The following MYH6 variants were observed in gnomAD, a reference collection of about 807,000 sequenced individuals.
The protein encoded by MYH6 is myosin-6.
MYH6 carries 126 observed loss-of-function variants against 223.2 expected under a neutral mutation model. The ratio of observed to expected loss-of-function variants is 0.56; its 90% CI spans 0.49 to 0.65. The LOEUF (loss-of-function observed/expected upper bound fraction) is 0.65. Ranked by LOEUF, MYH6 falls within the 30% of genes least tolerant of loss-of-function variation. The pLI, the probability that MYH6 is intolerant of heterozygous loss-of-function variation, is 0.00. For missense variants in MYH6, 2,040 were observed against 2,536.4 expected (o/e 0.80, Z 4.20); for synonymous variants, 978 against 1,010.2 (o/e 0.97, Z 0.61).
In MYH6 at chr14:23,400,953, A is replaced by G. The variant is rs751143031; in HGVS notation, c.1166T>C (p.Met389Thr). ...TEDADKSAYL[M>T]GLNSADLLKG... ...GAGCAGGTCAGCTGAGTTCAGCCCC[A>G]TGAGGTAGGCCGACTTGTCAGCATC... The change falls in exon 13 of 39, where the codon ATG (methionine) becomes ACG (threonine). Residue 389 changes from methionine (M) to threonine (T), a missense_variant. Coordinates refer to ENST00000405093, the MANE Select transcript of MYH6 (RefSeq NM_002471.4). 7 of 1,613,722 alleles carry G rather than the reference A, an allele frequency of 4.3e-6. No homozygotes were observed. Among genetic ancestry groups the G allele is most frequent in the African/African-American group, 1.3e-5 (1 of 74,920 alleles).
Position 23,389,525 on chromosome 14 carries a change from G to C in MYH6, c.3860-14C>G, listed in dbSNP as rs1891161839. ...GGGCCAACTCTCCTGGAGGTGAAAT[G>C]AGGGGCTTGTGGGCCATTTCACAAG... On this transcript the variant is annotated splice_polypyrimidine_tract_variant and intron_variant, in intron 27 of 38. Coordinates refer to ENST00000405093, the MANE Select transcript of MYH6 (RefSeq NM_002471.4). 1 of 1,614,240 alleles carries C rather than the reference G, an allele frequency of 6.2e-7. No individual in the cohort carries two copies. Among genetic ancestry groups the C allele is most frequent in the African/African-American group, 1.3e-5 (1 of 75,040 alleles).
At chr14:23,406,187 A>C (rs1234832638) in intron 3 of MYH6, among the ~76,000 whole-genome samples, 3 of 151,180 alleles carry the variant, frequency 2.0e-5, no homozygotes, top group African/African-American at 7.3e-5. Flanking sequence ...GCAAACCTTC[A>C]CCCCTGCTGG....
At chr14:23,382,151 G>A in intron 38 of MYH6, 88 bp from the exon 39 acceptor site, 1 of 1,339,930 alleles carries the variant, frequency 7.5e-7, no homozygotes, top group Non-Finnish European at 1.1e-6. Flanking sequence ...AGAGGCCTAA[G>A]GGAGATGCCC....
rs759499155 is a variant in MYH6 at position 23,383,293 on chromosome 14, G to A, written c.5593C>T (p.Arg1865Trp). The A allele has an allele frequency of 2.0e-5, 27 of 1,345,000 alleles. No individual in the cohort carries two copies. The highest frequency in any genetic ancestry group is 8.0e-5 in the Admixed American group (4 of 50,242). The allele number at this position is 1,345,000 out of a possible 1,614,324, so 83.3% of individuals were successfully genotyped here. ...QTEEDKKNLL[R>W]LQDLVDKLQL... The stretch of plus-strand genomic sequence containing the variant: ...AGCTTGTCCACCAGGTCCTGTAGCC[G>A]CAGCAGGTTCTTTTTGTCTTCCTCT... The change falls in exon 37 of 39, where the codon CGG becomes TGG. Residue 1865 changes from arginine to tryptophan, a missense_variant. Arg to Trp is a moderately radical substitution (Grantham distance 101, BLOSUM62 -3). Coordinates refer to ENST00000405093, the MANE Select transcript of MYH6 (RefSeq NM_002471.4).
intron 3 of MYH6, 145 bp downstream of exon 3, chr14:23,406,877 TG>T: frequency 1.1e-6 from 1 of 905,228 alleles, no homozygotes; most frequent in Non-Finnish European, 1.8e-6. Context: ...GATCAGATTC[TG>T]GGCTCCTCAA....
At position 23,388,317 on chromosome 14, in the gene MYH6, C is replaced by A; in HGVS notation, c.4197G>T (p.Leu1399=). The A allele has an allele frequency of 6.2e-7, 1 of 1,613,310 alleles. No individual in the cohort carries two copies. The highest frequency in any genetic ancestry group is 8.5e-7 in the Non-Finnish European group (1 of 1,180,030). Residue 1399 remains leucine, a synonymous_variant, in exon 30 of 39, where the codon CTG becomes CTT. Transcript: ENST00000405093. ...EEAKKKLAQR[L]QDAEEAVEAV... is the part of the protein sequence containing the mutation. ...CCTCCACGGCCTCCTCGGCATCCTG[C>A]AGCCGCTGGGCCAGCTTCTTTCTGC...
At chr14:23,397,971 T>C (rs1033079298) in intron 15 of MYH6, among the ~76,000 whole-genome samples, 86 of 134,034 alleles carry the variant, frequency 6.4e-4, no homozygotes, top group African/African-American at 2.0e-3. Flanking sequence ...CTTCTTCTTC[T>C]TCTTCTTCTT....
In MYH6 at chr14:23,400,730, G is replaced by C; in HGVS notation, c.1389C>G (p.Ile463Met). 6.2e-7 allele frequency: 1 copy of C among 1,614,250 alleles called. No individual in the cohort carries two copies. The highest frequency in any genetic ancestry group is 8.5e-7 in the Non-Finnish European group (1 of 1,180,052). Residue 463 changes from isoleucine (I) to methionine (M), a missense_variant, in exon 13 of 39, where the codon ATC becomes ATG. By Grantham distance (10) the Ile-to-Met change is conservative. Coordinates refer to ENST00000405093, the MANE Select transcript of MYH6 (RefSeq NM_002471.4). The part of the protein sequence containing the change: ...PRQYFIGVLD[I>M]AGFEIFDFNS... ...TCACGTCGAAGATCTCGAAGCCAGC[G>C]ATGTCCAGGACTCCTATGAAGTACT...
chr14:23,396,266 C>T lies in MYH6; in HGVS notation c.2429+18G>A, dbSNP rs756318633. The T allele has an allele frequency of 1.9e-6, 3 of 1,613,944 alleles. No homozygotes were observed. Among genetic ancestry groups the T allele is most frequent in the Non-Finnish European group, 2.5e-6 (3 of 1,180,050 alleles). On this transcript the variant is annotated intron_variant, in intron 20 of 38. Transcript: ENST00000405093. ...CTCTACATCTCTAGTGCATGCCTCC[C>T]TTTTCCTCCTGTCTCACCTGCGTTC...
chr14:23,394,125 C>T lies in MYH6; in HGVS notation c.2628G>A (p.Glu876=), dbSNP rs775918960. The T allele has an allele frequency of 1.2e-6, 2 of 1,614,210 alleles. No homozygotes were observed. Among genetic ancestry groups the T allele is most frequent in the Admixed American group, 1.7e-5 (1 of 60,028 alleles). ...EKSEARRKEL[E]EKMVSLLQEK... is the part of the protein sequence containing the mutation. ...CCTGCAGCAGGGACACCATCTTCTC[C>T]TCCAGCTCCTTGCGGCGAGCCTCGG... is the stretch of plus-strand genomic sequence containing the variant. The change falls in exon 21 of 39, where the codon GAG becomes GAA. Residue 876 remains glutamate, a synonymous_variant. Coordinates refer to ENST00000405093, the MANE Select transcript of MYH6 (RefSeq NM_002471.4).
At chr14:23,403,059 A>G (rs558618155) in intron 10 of MYH6, among the ~76,000 whole-genome samples, 10 of 151,752 alleles carry the variant, frequency 6.6e-5, no homozygotes, top group East Asian at 2.0e-4. Flanking sequence ...GGAGTGACAC[A>G]TGGGAGATGG....
At chr14:23,406,876 C>A in intron 3 of MYH6, 147 bp downstream of exon 3, 1 of 902,820 alleles carries the variant, frequency 1.1e-6, no homozygotes, top group Non-Finnish European at 1.8e-6. Flanking sequence ...GGATCAGATT[C>A]TGGGCTCCTC....
Position 23,396,582 on chromosome 14 carries a change from T to C in MYH6, c.2292+112A>G, listed in dbSNP as rs907394528. ...CGGAATGAAGCCTGGGTTTCAGCCCTTGATAAGGTTGATAAGGAAGCCAGA... is the reference window on the plus strand; with the variant it reads ...CGGAATGAAGCCTGGGTTTCAGCCCCTGATAAGGTTGATAAGGAAGCCAGA... On this transcript the variant is annotated intron_variant, in intron 19 of 38. Transcript: ENST00000405093. 9.4e-6 allele frequency: 15 copies of C among 1,595,584 alleles called. No homozygotes were observed. The Admixed American group carries it at 2.5e-4, about 27-fold the overall frequency.
Position 23,384,983 on chromosome 14 carries a change from G to A in MYH6, c.5222C>T (p.Ser1741Leu), listed in dbSNP as rs1437586718. The A allele has an allele frequency of 4.3e-6, 7 of 1,614,182 alleles. No individual in the cohort carries two copies. The highest frequency in any genetic ancestry group is 1.3e-5 in the African/African-American group (1 of 75,050). ...CTCCTGCACTGCCTCCTCCACTTCC[G>A]ACTGGAGCTGGGTCAGATCCGACTC... ...KMESDLTQLQ[S>L]EVEEAVQECR... The change falls in exon 35 of 39, where the codon TCG (serine) becomes TTG (leucine). Residue 1741 changes from serine to leucine, a missense_variant. This residue lies in a region of MYH6 where 1,203 missense variants were observed against 1,400.2 expected (regional missense o/e 0.86). Coordinates refer to ENST00000405093, the MANE Select transcript of MYH6 (RefSeq NM_002471.4).
Position 23,382,085 on chromosome 14 carries a change from T to C in MYH6, c.5797-22A>G, listed in dbSNP as rs763838408. On this transcript the variant is annotated intron_variant, in intron 38 of 38. Coordinates refer to ENST00000405093, the MANE Select transcript of MYH6 (RefSeq NM_002471.4). ...TTTGCTGCAAAAAGAATAAGAGGTG[T>C]GAGGGGGCAGCTGGCAAGAGGGAGA... is the stretch of plus-strand genomic sequence containing the variant. The C allele has an allele frequency of 7.5e-6, 12 of 1,609,218 alleles. No homozygotes were observed. The Admixed American group carries it at 1.7e-4, about 22-fold the overall frequency.
chr14:23,394,935 G>A (rs1460612735), intron 20 of MYH6, among the ~76,000 whole-genome samples: 10 of 152,074 alleles, frequency 6.6e-5, no homozygotes, highest in Non-Finnish European at 1.0e-4. Context: ...GCACAATCTC[G>A]GCTCACTGCA....
At chr14:23,383,341 G>GGGGGGGGGGGGCCCCCCCCCCCC in intron 36 of MYH6, 21 bp from the exon 37 acceptor site, 2 of 556,572 alleles carry the variant, frequency 3.6e-6, no homozygotes, top group East Asian at 4.9e-5. Context: ...GAGGGTGGGA[G>GGGGGGGGGGGGCCCCCCCCCCCC]AAGCTGGTTT....
At chr14:23,400,055 G>T in intron 14 of MYH6, 1 of 776,108 alleles carries the variant, frequency 1.3e-6, no homozygotes, top group South Asian at 1.7e-5. Context: ...CCACAAAGGG[G>T]CATAAAGTGC....
chr14:23,404,535 C>A, intron 7 of MYH6, 147 bp from the exon 8 acceptor site: 1 of 1,137,826 alleles, frequency 8.8e-7, no homozygotes, highest in Non-Finnish European at 1.3e-6. Flanking sequence ...AGGATCCTAC[C>A]CAGACCTCAG....
Sources: allele counts gnomAD v4.1 joint callset (sites outside exome capture counted in the v4.1 genomes callset), GRCh38; gene constraint gnomAD v4.1.1; regional missense constraint gnomAD v4.1.1; transcripts MANE v1.5; gene names NCBI Gene and HGNC (gene_info 2026-07-23, HGNC 2026-07-21).